NXPH1: variants seen among roughly 807,000 people sequenced by gnomAD.
NXPH1 encodes the protein neurexophilin 1, also known as neurexophilin-1.
NXPH1 carries 5 observed loss-of-function variants against 23.7 expected under a neutral mutation model. The ratio of observed to expected loss-of-function variants is 0.21; its 90% confidence interval spans 0.11 to 0.44. NXPH1 has a LOEUF of 0.44. Ranked by LOEUF, NXPH1 falls within the 20% of genes least tolerant of loss-of-function variation. NXPH1 has a pLI of 0.99. For synonymous variants in NXPH1, 144 were observed against 122.2 expected (o/e 1.18, Z -1.18); for missense variants, 324 against 321.6 (o/e 1.01, Z -0.06).
At chr7:8,664,445 C>G (rs10231518) in intron 2 of NXPH1, among the ~76,000 whole-genome samples, 9,665 of 152,096 alleles carry the variant, frequency 0.064, 673 homozygotes, top group East Asian at 0.25. Flanking sequence ...TTTGCCTTGA[C>G]TGGCATTTAT....
chr7:8,620,645 C>T (rs943903775), intron 2 of NXPH1, among the ~76,000 whole-genome samples: 4 of 152,180 alleles, frequency 2.6e-5, no homozygotes, highest in African/African-American at 7.2e-5. Flanking sequence ...AACTGAGCCC[C>T]GCTGATACCA....
intron 2 of NXPH1, among the ~76,000 whole-genome samples, chr7:8,614,553 G>A (rs534626215): frequency 5.9e-5 from 9 of 151,792 alleles, no homozygotes; most frequent in Admixed American, 5.9e-4. Flanking sequence ...GCACATATAG[G>A]TGTATATGTC....
intron 2 of NXPH1, among the ~76,000 whole-genome samples, chr7:8,558,494 G>C (rs933322397): frequency 2.0e-5 from 3 of 151,570 alleles, no homozygotes; most frequent in African/African-American, 7.3e-5. Flanking sequence ...AGCCAATAAA[G>C]CTTAGTTACT....
intron 2 of NXPH1, among the ~76,000 whole-genome samples, chr7:8,741,602 G>T (rs998672234): frequency 6.6e-6 from 1 of 152,128 alleles, no homozygotes; most frequent in African/African-American, 2.4e-5. Flanking sequence ...TATGCTGACA[G>T]GTGTGAGGTG....
intron 2 of NXPH1, among the ~76,000 whole-genome samples, chr7:8,492,438 A>G (rs1379942402): frequency 1.3e-5 from 2 of 152,044 alleles, no homozygotes; most frequent in African/African-American, 2.4e-5. Context: ...TGCAAAATAG[A>G]AACAATAATC....
intron 2 of NXPH1, among the ~76,000 whole-genome samples, chr7:8,697,758 T>G (rs1779557709): frequency 6.6e-6 from 1 of 152,138 alleles, no homozygotes; most frequent in South Asian, 2.1e-4. Flanking sequence ...CCAGAGAAAG[T>G]CTCAGGCAAA....
intron 2 of NXPH1, among the ~76,000 whole-genome samples, chr7:8,590,196 C>CT (rs1456225903): frequency 6.6e-6 from 1 of 152,092 alleles, no homozygotes; most frequent in Non-Finnish European, 1.5e-5. Flanking sequence ...TCTAGCATCA[C>CT]TAGAGAGACA....
chr7:8,632,335 C>G (rs145980306), intron 2 of NXPH1, among the ~76,000 whole-genome samples: 1 of 152,054 alleles, frequency 6.6e-6, no homozygotes, highest in African/African-American at 2.4e-5. Context: ...ATATTTTATA[C>G]GTTGATTGCA....
chr7:8,583,707 G>T (rs765150938), intron 2 of NXPH1, among the ~76,000 whole-genome samples: 11 of 152,282 alleles, frequency 7.2e-5, no homozygotes, highest in African/African-American at 1.2e-4. Context: ...AACAAGTGCA[G>T]CAACAGTGGT....
rs374355805 is a variant in NXPH1, at chr7:8,571,722, T to C, written c.54+135955T>C. Among the ~76,000 whole-genome samples, 3 of 151,960 alleles carry C rather than the reference T, an allele frequency of 2.0e-5. No individual in the cohort carries two copies. In the East Asian group the frequency reaches 5.8e-4, roughly 29 times the overall value. On this transcript the variant is annotated intron_variant, in intron 2 of 2. Transcript: ENST00000405863. The stretch of plus-strand genomic sequence containing the variant: ...TAAAGTCAAAGATCTCTGGTTCCTC[T>C]GTCAAGTATAAATGCATAAAAATAA...
intron 2 of NXPH1, among the ~76,000 whole-genome samples, chr7:8,745,631 C>A (rs918465813): frequency 6.6e-6 from 1 of 151,906 alleles, no homozygotes; most frequent in Non-Finnish European, 1.5e-5. Flanking sequence ...TGGCTCACTG[C>A]AACCTCTGTT....
intron 2 of NXPH1, among the ~76,000 whole-genome samples, chr7:8,494,965 C>T (rs34284220): frequency 0.019 from 2,828 of 152,078 alleles, 36 homozygotes; most frequent in Non-Finnish European, 0.028. Context: ...TTTATTTCCT[C>T]ATCTGTAAAA....
chr7:8,580,620 C>A (rs983757713), intron 2 of NXPH1, among the ~76,000 whole-genome samples: 1 of 152,118 alleles, frequency 6.6e-6, no homozygotes, highest in Non-Finnish European at 1.5e-5. Context: ...TACTGACTGG[C>A]AGTGATCCAG....
At chr7:8,644,062 C>T (rs973826729) in intron 2 of NXPH1, among the ~76,000 whole-genome samples, 12 of 152,090 alleles carry the variant, frequency 7.9e-5, no homozygotes, top group African/African-American at 1.7e-4. Flanking sequence ...CACAGCTGGG[C>T]GTTACACACT....
chr7:8,437,994 A>C (rs1356390884), intron 2 of NXPH1, among the ~76,000 whole-genome samples: 1 of 152,246 alleles, frequency 6.6e-6, no homozygotes, highest in Non-Finnish European at 1.5e-5. Context: ...ATGCACCACA[A>C]AAACTACAGC....
At chr7:8,561,195 G>A (rs896881655) in intron 2 of NXPH1, among the ~76,000 whole-genome samples, 8 of 151,478 alleles carry the variant, frequency 5.3e-5, no homozygotes, top group Admixed American at 2.6e-4. Flanking sequence ...TTGGTGTTTC[G>A]AAGCTCTGAA....
At chr7:8,487,335 G>A (rs952278903) in intron 2 of NXPH1, among the ~76,000 whole-genome samples, 3 of 152,200 alleles carry the variant, frequency 2.0e-5, no homozygotes, top group Admixed American at 6.5e-5. Flanking sequence ...TAAGTCTCAC[G>A]AAATCTGATG....
intron 2 of NXPH1, among the ~76,000 whole-genome samples, chr7:8,652,524 A>C (rs1820505611): frequency 6.6e-6 from 1 of 152,150 alleles, no homozygotes; most frequent in East Asian, 1.9e-4. Flanking sequence ...ACTAATCCTC[A>C]ATTACTAGAA....
intron 2 of NXPH1, among the ~76,000 whole-genome samples, chr7:8,547,471 CGT>C (rs56304643): frequency 0.056 from 8,455 of 151,266 alleles, 318 homozygotes; most frequent in Middle Eastern, 0.12. Flanking sequence ...GACTAGAAAA[CGT>C]GTAATTCTTT....
Sources: allele counts gnomAD v4.1 joint callset (sites outside exome capture counted in the v4.1 genomes callset), GRCh38; gene constraint gnomAD v4.1.1; transcripts MANE v1.5; gene names NCBI Gene and HGNC (gene_info 2026-07-23, HGNC 2026-07-21).